OSBPL3: variants seen among roughly 807,000 people sequenced by gnomAD.
OSBPL3 encodes the protein oxysterol binding protein like 3, also known as oxysterol-binding protein-related protein 3.
In OSBPL3, 65 loss-of-function variants were observed where a neutral mutation model predicts 120.1. That is an observed-to-expected ratio of 0.54 (90% CI 0.44 to 0.67). The LOEUF is 0.67. OSBPL3 is among the 30% of genes least tolerant of loss of function. The pLI, the probability that OSBPL3 is intolerant of heterozygous loss-of-function variation, is 0.00. For synonymous variants in OSBPL3, 416 were observed against 402.6 expected, an observed-to-expected ratio of 1.03 and a Z score of -0.40; for missense variants, 1,004 against 1,082.1, an observed-to-expected ratio of 0.93 and a Z score of 1.01.
chr7:24,980,828 G>T (rs1229835505), upstream of OSBPL3, among the ~76,000 whole-genome samples: 1 of 152,108 alleles, frequency 6.6e-6, no homozygotes, highest in Non-Finnish European at 1.5e-5. Flanking sequence ...GTGCAAGGGG[G>T]TAGGAGGTGG....
rs1562924930 is a variant in OSBPL3, at chr7:24,917,428, T to TATATATA, written c.-149-24808_-149-24807insTATATAT. Among the ~76,000 whole-genome samples the TATATATA allele has an allele frequency of 8.4e-3, 777 of 92,230 alleles. 13 individuals are homozygous for TATATATA. The highest frequency in any genetic ancestry group is 0.024 in the South Asian group (70 of 2,942). The allele number at this position is 92,230 out of a possible 152,430, so 60.5% of individuals were successfully genotyped here. ...TATATATATATATATATATATATAT[T>TATATATA]TGTAACATATATATATATACACACA... On this transcript the variant is annotated intron_variant, in intron 1 of 22. Transcript: ENST00000313367.
intron 1 of OSBPL3, among the ~76,000 whole-genome samples, chr7:24,963,376 T>C (rs74745793): frequency 0.051 from 7,716 of 152,284 alleles, 260 homozygotes; most frequent in African/African-American, 0.07. Context: ...AAAATGCTGA[T>C]GTCAGCAGTG....
chr7:24,956,394 A>T (rs1453540291), intron 1 of OSBPL3, among the ~76,000 whole-genome samples: 1 of 152,242 alleles, frequency 6.6e-6, no homozygotes, highest in Non-Finnish European at 1.5e-5. Flanking sequence ...AATACAGCTA[A>T]TTTTTAAAAA....
In OSBPL3 at chr7:24,947,780, A is replaced by T. The variant is rs759732039; in HGVS notation, c.-150+32106T>A. Reference sequence around the variant, plus strand: ...GTATACATACATATCCAATTAAATCACACACACACACACACACACACACAC... The same window carrying T: ...GTATACATACATATCCAATTAAATCTCACACACACACACACACACACACAC... On this transcript the variant is annotated intron_variant, in intron 1 of 22. Coordinates refer to ENST00000313367, the MANE Select transcript of OSBPL3 (RefSeq NM_015550.4). The surrounding 1 kb of genome is among the most constrained non-coding windows in gnomAD (Gnocchi z 4.4). 1.1e-4 allele frequency among the ~76,000 whole-genome samples: 3 copies of T among 26,218 alleles called. No homozygotes were observed. The highest frequency in any genetic ancestry group is 2.6e-4 in the Non-Finnish European group (3 of 11,654). 17.2% of individuals were successfully genotyped at this position (26,218 alleles called of 152,430 possible).
rs539958504 is a variant in OSBPL3 at position 24,843,286 on chromosome 7, G to T, written c.1267-873C>A. 1.1e-4 allele frequency among the ~76,000 whole-genome samples: 16 copies of T among 152,274 alleles called. No individual in the cohort carries two copies. The South Asian group carries it at 3.1e-3, about 30-fold the overall frequency. ...AAGTGGAGAGACTGATTCTGATTAG[G>T]GAGATTTTGTTTGAGGAGGGCTTCA... On this transcript the variant is annotated intron_variant, in intron 12 of 22. Transcript: ENST00000313367.
At position 24,922,568 on chromosome 7, in the gene OSBPL3, A is replaced by T. The variant is rs1456028813; in HGVS notation, c.-149-29947T>A. Among the ~76,000 whole-genome samples the T allele has an allele frequency of 6.6e-6, 1 of 152,188 alleles. No homozygotes were observed. The highest frequency in any genetic ancestry group is 1.5e-5 in the Non-Finnish European group (1 of 68,030). On this transcript the variant is annotated intron_variant, in intron 1 of 22. Coordinates refer to ENST00000313367, the MANE Select transcript of OSBPL3 (RefSeq NM_015550.4). The surrounding 1 kb of genome is among the most constrained non-coding windows in gnomAD (Gnocchi z 4.3). Reference sequence around the variant, plus strand: ...CATCATTACAGTAAACCCCAAGGGAAGTGTGTAAAATGCCAGGCTGCTCTC... The same window carrying T: ...CATCATTACAGTAAACCCCAAGGGATGTGTGTAAAATGCCAGGCTGCTCTC...
chr7:24,882,349 G>A (rs1234985554), intron 2 of OSBPL3, among the ~76,000 whole-genome samples: 1 of 150,154 alleles, frequency 6.7e-6, no homozygotes, highest in Non-Finnish European at 1.5e-5. Context: ...GAGAACATGT[G>A]ATATTTGTCT....
Position 24,828,214 on chromosome 7 carries a change from T to G in OSBPL3, c.1884+2554A>C, listed in dbSNP as rs1795924828. 6.6e-5 allele frequency among the ~76,000 whole-genome samples: 10 copies of G among 152,070 alleles called. 1 individual carries two copies. In the South Asian group the frequency reaches 2.1e-3, roughly 32 times the overall value. ...TAATTTTTTGTATTCTTAGTAGAGA[T>G]GGGGTTTCACCATGTTAGCCAGGCT... On this transcript the variant is annotated intron_variant, in intron 16 of 22. Transcript: ENST00000313367.
In OSBPL3 at chr7:24,979,802, G is replaced by T. The variant is rs1238675012; in HGVS notation, c.-150+84C>A. On this transcript the variant is annotated intron_variant, in intron 1 of 22. Coordinates refer to ENST00000313367, the MANE Select transcript of OSBPL3 (RefSeq NM_015550.4). ...GTCCGGCAGAGAACCGCGGCGCCCC[G>T]CAAACAGCAGCCCTTCCGAGCCCGC... 3 of 683,316 alleles carry T rather than the reference G, an allele frequency of 4.4e-6. No individual in the cohort carries two copies. The African/African-American group carries it at 5.9e-5, about 14-fold the overall frequency. 42.3% of individuals were successfully genotyped at this position (683,316 alleles called of 1,614,324 possible).
intron 13 of OSBPL3, among the ~76,000 whole-genome samples, chr7:24,841,694 CAAAAAAAAAAAAA>C (rs67988881): frequency 1.6e-4 from 2 of 12,138 alleles, no homozygotes; most frequent in Admixed American, 2.2e-3. Flanking sequence ...GACTATGTCT[CAAAAAAAAAAAAA>C]AAAAAAAAAA....
chr7:24,963,160 T>C (rs1185699369), intron 1 of OSBPL3, among the ~76,000 whole-genome samples: 1 of 152,144 alleles, frequency 6.6e-6, no homozygotes, highest in Non-Finnish European at 1.5e-5. Flanking sequence ...ACCTGTCTGC[T>C]CAGTTCTATT....
At chr7:24,841,370 A>T (rs1270733749) in intron 13 of OSBPL3, among the ~76,000 whole-genome samples, 4 of 151,838 alleles carry the variant, frequency 2.6e-5, no homozygotes, top group Non-Finnish European at 5.9e-5. Flanking sequence ...ACGGGATGCT[A>T]ATTTCCTTCT....
chr7:24,848,824 T>TA lies in OSBPL3; in HGVS notation c.1266+244dup, dbSNP rs1053848367. On this transcript the variant is annotated intron_variant, in intron 12 of 22. Coordinates refer to ENST00000313367, the MANE Select transcript of OSBPL3 (RefSeq NM_015550.4). ...GACATTTAGGAGCGAAACAGAAATATAAAAAAAAAAGAGAGTTCTGGGGAA... is the reference window on the plus strand; with the variant it reads ...GACATTTAGGAGCGAAACAGAAATATAAAAAAAAAAAGAGAGTTCTGGGGAA... 3.3e-3 allele frequency among the ~76,000 whole-genome samples: 485 copies of TA among 147,848 alleles called. 2 individuals carry two copies. Among genetic ancestry groups the TA allele is most frequent in the African/African-American group, 0.012 (468 of 40,270 alleles).
intron 1 of OSBPL3, among the ~76,000 whole-genome samples, chr7:24,934,829 G>A (rs1812205180): frequency 6.6e-6 from 1 of 152,156 alleles, no homozygotes; most frequent in Non-Finnish European, 1.5e-5. Flanking sequence ...TTTGGCAACA[G>A]GCAGATGGAA....
rs1310232019 is a variant in OSBPL3 at position 24,913,527 on chromosome 7, G to C, written c.-149-20906C>G. Among the ~76,000 whole-genome samples the C allele has an allele frequency of 6.6e-6, 1 of 152,094 alleles. No individual in the cohort carries two copies. The highest frequency in any genetic ancestry group is 2.4e-5 in the African/African-American group (1 of 41,382). On this transcript the variant is annotated intron_variant, in intron 1 of 22. Coordinates refer to ENST00000313367, the MANE Select transcript of OSBPL3 (RefSeq NM_015550.4). The surrounding 1 kb of genome is among the most constrained non-coding windows in gnomAD (Gnocchi z 5.3). The stretch of plus-strand genomic sequence containing the variant: ...CAAGAAGCAGACACGGTCTAGTGTG[G>C]GGGCCAATCAGCTGACAAAGGCCGG...
intron 10 of OSBPL3, 80 bp downstream of exon 10, chr7:24,861,533 T>G: frequency 1.1e-6 from 1 of 885,252 alleles, no homozygotes. Context: ...ACTAAGATAC[T>G]CTCTCTAAGG....
chr7:24,955,367 T>TA lies in OSBPL3; in HGVS notation c.-150+24518dup, dbSNP rs1241989417. Among the ~76,000 whole-genome samples, 3 of 152,154 alleles carry TA rather than the reference T, an allele frequency of 2.0e-5. No homozygotes were observed. The highest frequency in any genetic ancestry group is 7.2e-5 in the African/African-American group (3 of 41,428). ...CAACAACAAAAATATACTGAGCACT[T>TA]ACAATGCGCTGGGAATTTTTCCAGT... On this transcript the variant is annotated intron_variant, in intron 1 of 22. Transcript: ENST00000313367. This position sits in a 1 kb window ranked among gnomAD's most constrained non-coding sequence, Gnocchi z 4.3.
rs1240354554 is a variant in OSBPL3 at position 24,862,279 on chromosome 7, A to G, written c.871-510T>C. On this transcript the variant is annotated intron_variant, in intron 9 of 22. Coordinates refer to ENST00000313367, the MANE Select transcript of OSBPL3 (RefSeq NM_015550.4). This position sits in a 1 kb window ranked among gnomAD's most constrained non-coding sequence, Gnocchi z 4.4. ...GAAACTTGCTTCTTGTGAGCTAAAA[A>G]TGGGTGAGAAATCACATATTCTTTT... Among the ~76,000 whole-genome samples the G allele has an allele frequency of 6.6e-6, 1 of 152,218 alleles. No individual in the cohort carries two copies. The highest frequency in any genetic ancestry group is 1.5e-5 in the Non-Finnish European group (1 of 68,030).
chr7:24,975,289 G>C (rs1182618856), intron 1 of OSBPL3, among the ~76,000 whole-genome samples: 1 of 152,168 alleles, frequency 6.6e-6, no homozygotes, highest in Non-Finnish European at 1.5e-5. Context: ...CCAAAGATGA[G>C]AGCAACCAGA....
Sources: gnomAD v4.1 joint callset for allele counts (sites outside exome capture counted in the v4.1 genomes callset) on GRCh38, gnomAD v4.1.1 for gene constraint, Gnocchi (gnomAD v3.1) non-coding constraint, MANE v1.5 for transcripts, NCBI Gene and HGNC (gene_info 2026-07-23, HGNC 2026-07-21) for gene names.